The following SV2B variants were observed in gnomAD, a reference collection of about 807,000 sequenced individuals.
The protein encoded by SV2B is solute carrier family 22 member B2.
A neutral mutation model predicts 73.9 loss-of-function variants in SV2B; 41 were observed. The observed-to-expected ratio is 0.56, with a 90% CI of 0.43 to 0.72. SV2B has a LOEUF of 0.72. Ranked by LOEUF, SV2B falls within the 30% of genes least tolerant of loss-of-function variation. SV2B has a pLI of 0.00. For synonymous variants in SV2B, 314 were observed against 314.2 expected, an observed-to-expected ratio of 1.00 and a Z score of 0.01; for missense variants, 764 against 857.8, an observed-to-expected ratio of 0.89 and a Z score of 1.37.
intron 6 of SV2B, among the ~76,000 whole-genome samples, chr15:91,262,950 G>A (rs2047963422): frequency 1.3e-5 from 2 of 152,154 alleles, no homozygotes; most frequent in Admixed American, 6.5e-5. Flanking sequence ...GCTTCTCTCC[G>A]AGCTGCTGCT....
At chr15:91,125,266 A>G (rs903357827) in intron 1 of SV2B, among the ~76,000 whole-genome samples, 1 of 152,204 alleles carries the variant, frequency 6.6e-6, no homozygotes, top group African/African-American at 2.4e-5. Flanking sequence ...ACTTCAGCAC[A>G]TGAATTTTGA....
intron 9 of SV2B, among the ~76,000 whole-genome samples, chr15:91,278,678 C>CAAAAAAAAAAAAAAAAAA (rs746732650): frequency 7.1e-5 from 3 of 42,446 alleles, no homozygotes; most frequent in Non-Finnish European, 8.6e-5. Flanking sequence ...GACTCCGTCT[C>CAAAAAAAAAAAAAAAAAA]AAAAAAAAAA....
In SV2B at chr15:91,106,399, G is replaced by T. The variant is rs2041883946; in HGVS notation, c.-392+6036G>T. Among the ~76,000 whole-genome samples, 1 of 152,206 alleles carries T rather than the reference G, an allele frequency of 6.6e-6. No homozygotes were observed. Among genetic ancestry groups the T allele is most frequent in the African/African-American group, 2.4e-5 (1 of 41,442 alleles). On this transcript the variant is annotated intron_variant, in intron 1 of 12. Transcript: ENST00000394232. The surrounding 1 kb of genome is among the most constrained non-coding windows in gnomAD (Gnocchi z 4.4). Reference sequence around the variant, plus strand: ...TGCCCAGAATATTGTCTGGCACATTGTATATCCTCAATGGATATGTACTGA... The same window carrying T: ...TGCCCAGAATATTGTCTGGCACATTTTATATCCTCAATGGATATGTACTGA...
intron 1 of SV2B, among the ~76,000 whole-genome samples, chr15:91,181,747 A>G (rs571944892): frequency 7.9e-5 from 12 of 151,626 alleles, no homozygotes; most frequent in Admixed American, 2.6e-4. Context: ...TTTTCTGAGT[A>G]AGGAGGTCGT....
chr15:91,110,775 G>C lies in SV2B; in HGVS notation c.-392+10412G>C, dbSNP rs916288218. ...AATTTAGTTCCACCCCTAGCACTAT[G>C]ACAAGTGACGAACACATCCCACACA... is the stretch of plus-strand genomic sequence containing the variant. On this transcript the variant is annotated intron_variant, in intron 1 of 12. Coordinates refer to ENST00000394232, the MANE Select transcript of SV2B (RefSeq NM_001323032.3). This position sits in a 1 kb window ranked among gnomAD's most constrained non-coding sequence, Gnocchi z 5.4. 2.0e-5 allele frequency among the ~76,000 whole-genome samples: 3 copies of C among 152,188 alleles called. No individual in the cohort carries two copies. The highest frequency in any genetic ancestry group is 7.2e-5 in the African/African-American group (3 of 41,430).
intron 2 of SV2B, among the ~76,000 whole-genome samples, chr15:91,247,732 G>C (rs7175322): frequency 0.017 from 2,534 of 152,196 alleles, 60 homozygotes; most frequent in African/African-American, 0.054. Flanking sequence ...AAGGACAGGT[G>C]CTTTCTTCTT....
chr15:91,275,833 A>C (rs1312080308), intron 9 of SV2B, among the ~76,000 whole-genome samples: 1 of 152,190 alleles, frequency 6.6e-6, no homozygotes, highest in African/African-American at 2.4e-5. Flanking sequence ...CTCCAAAAAA[A>C]AGAGGAAAAT....
chr15:91,115,993 T>A lies in SV2B; in HGVS notation c.-392+15630T>A, dbSNP rs1490083809. ...GCACACACATACACACACACATAAA[T>A]ATACATATATAATACATTATTATAT... On this transcript the variant is annotated intron_variant, in intron 1 of 12. Coordinates refer to ENST00000394232, the MANE Select transcript of SV2B (RefSeq NM_001323032.3). This position sits in a 1 kb window ranked among gnomAD's most constrained non-coding sequence, Gnocchi z 4.3. Among the ~76,000 whole-genome samples the A allele has an allele frequency of 6.6e-6, 1 of 152,116 alleles. No homozygotes were observed. Among genetic ancestry groups the A allele is most frequent in the African/African-American group, 2.4e-5 (1 of 41,400 alleles).
At chr15:91,111,361 G>A (rs1253461705) in intron 1 of SV2B, among the ~76,000 whole-genome samples, 5 of 152,210 alleles carry the variant, frequency 3.3e-5, no homozygotes, top group Non-Finnish European at 4.4e-5. Flanking sequence ...TTGAGATGGT[G>A]CAGGGCAAAG....
intron 1 of SV2B, among the ~76,000 whole-genome samples, chr15:91,225,019 G>A (rs1165164510): frequency 6.6e-6 from 1 of 152,234 alleles, no homozygotes; most frequent in African/African-American, 2.4e-5. Context: ...GGCTTAAATA[G>A]TATTTACCCG....
In SV2B at chr15:91,115,040, C is replaced by A. The variant is rs191086449; in HGVS notation, c.-392+14677C>A. ...ACCATCACTATGACTCCCAAGATGG[C>A]AGGTAGTGAGGAAAGGGGAGTTTCT... is the stretch of plus-strand genomic sequence containing the variant. On this transcript the variant is annotated intron_variant, in intron 1 of 12. Coordinates refer to ENST00000394232, the MANE Select transcript of SV2B (RefSeq NM_001323032.3). This position sits in a 1 kb window ranked among gnomAD's most constrained non-coding sequence, Gnocchi z 4.3. Among the ~76,000 whole-genome samples the A allele has an allele frequency of 2.5e-4, 38 of 152,228 alleles. 1 individual carries two copies. In the South Asian group the frequency reaches 4.2e-3, roughly 17 times the overall value.
At chr15:91,272,313 A>G (rs2048342693) in intron 9 of SV2B, among the ~76,000 whole-genome samples, 1 of 152,216 alleles carries the variant, frequency 6.6e-6, no homozygotes, top group South Asian at 2.1e-4. Flanking sequence ...TACCCAGAAT[A>G]TGTATTAACT....
intron 1 of SV2B, among the ~76,000 whole-genome samples, chr15:91,148,035 C>T (rs1448507928): frequency 8.7e-6 from 1 of 115,124 alleles, no homozygotes; most frequent in African/African-American, 3.3e-5. Flanking sequence ...GGCTGGAGTG[C>T]AGTGGTGCAA....
chr15:91,277,971 A>G (rs2106691), intron 9 of SV2B, among the ~76,000 whole-genome samples: 15,381 of 152,268 alleles, frequency 0.1, 850 homozygotes, highest in Non-Finnish European at 0.12. Context: ...TGAGTGTAAG[A>G]AAAGAAAGAG....
chr15:91,290,634 A>G lies in SV2B; in HGVS notation c.1868+954A>G, dbSNP rs939898234. On this transcript the variant is annotated intron_variant, in intron 12 of 12. Transcript: ENST00000394232. The surrounding 1 kb of genome is among the most constrained non-coding windows in gnomAD (Gnocchi z 4.7). ...AGATGCAATTGATATCCATTTAATA[A>G]TGGCAGACGTCATAAAATAATTAGG... Among the ~76,000 whole-genome samples the G allele has an allele frequency of 1.3e-5, 2 of 152,244 alleles. No individual in the cohort carries two copies. Among genetic ancestry groups the G allele is most frequent in the Admixed American group, 1.3e-4 (2 of 15,292 alleles).
At chr15:91,147,960 C>A (rs938107359) in intron 1 of SV2B, among the ~76,000 whole-genome samples, 3 of 145,444 alleles carry the variant, frequency 2.1e-5, no homozygotes, top group Non-Finnish European at 4.5e-5. Context: ...CCGCACCCCC[C>A]CCAACTTTTT....
intron 1 of SV2B, among the ~76,000 whole-genome samples, chr15:91,217,091 G>C (rs908238333): frequency 4.1e-4 from 63 of 152,006 alleles, no homozygotes; most frequent in African/African-American, 1.4e-3. Context: ...TGGCCAGGCT[G>C]GCCTTGAACT....
At chr15:91,150,920 C>A (rs909793243) in intron 1 of SV2B, among the ~76,000 whole-genome samples, 1 of 152,174 alleles carries the variant, frequency 6.6e-6, no homozygotes, top group African/African-American at 2.4e-5. Context: ...CCCCTCTGCT[C>A]CTGGGCTAGA....
At position 91,261,731 on chromosome 15, in the gene SV2B, G is replaced by T. The variant is rs1296746687; in HGVS notation, c.1008+1322G>T. Among the ~76,000 whole-genome samples, 1 of 152,150 alleles carries T rather than the reference G, an allele frequency of 6.6e-6. No homozygotes were observed. The highest frequency in any genetic ancestry group is 1.5e-5 in the Non-Finnish European group (1 of 68,030). On this transcript the variant is annotated intron_variant, in intron 6 of 12. Transcript: ENST00000394232. The surrounding 1 kb of genome is among the most constrained non-coding windows in gnomAD (Gnocchi z 4.7). ...TTTCTTTACACCCTTACCATCAGTGGCTATTAGTCTGAATTTTGTTTCTTG... is the reference window on the plus strand; with the variant it reads ...TTTCTTTACACCCTTACCATCAGTGTCTATTAGTCTGAATTTTGTTTCTTG...
Sources: gnomAD v4.1 joint callset for allele counts (sites outside exome capture counted in the v4.1 genomes callset) on GRCh38, gnomAD v4.1.1 for gene constraint, Gnocchi (gnomAD v3.1) non-coding constraint, MANE v1.5 for transcripts, NCBI Gene and HGNC (gene_info 2026-07-23, HGNC 2026-07-21) for gene names.